PIEZO2: variants seen among roughly 807,000 people sequenced by gnomAD.
PIEZO2 encodes piezo-type mechanosensitive ion channel component 2.
Under a neutral mutation model 337.3 loss-of-function variants are expected in PIEZO2, and 172 were observed. The observed-to-expected ratio is 0.51, with a 90% CI of 0.45 to 0.58. The LOEUF (loss-of-function observed/expected upper bound fraction) is 0.58, where lower values mean the gene tolerates loss of function less well. Ranked by LOEUF, PIEZO2 falls within the 20% of genes least tolerant of loss-of-function variation. The pLI is 0.00. For missense variants in PIEZO2, 3,028 were observed against 3,391.3 expected (o/e 0.89, Z 2.66); for synonymous variants, 1,251 against 1,228.5 (o/e 1.02, Z -0.38).
At chr18:11,107,602 C>T (rs574875310) in intron 1 of PIEZO2, among the ~76,000 whole-genome samples, 5 of 152,092 alleles carry the variant, frequency 3.3e-5, no homozygotes, top group African/African-American at 7.2e-5. Flanking sequence ...TGAATGATGG[C>T]GTTAAAGAAC....
At chr18:10,793,258 C>CA (rs571365611) in intron 13 of PIEZO2, among the ~76,000 whole-genome samples, 26,086 of 144,502 alleles carry the variant, frequency 0.18, 2,609 homozygotes, top group East Asian at 0.39. Flanking sequence ...AACTCCGTCT[C>CA]AAAAAAAAAA....
Position 10,684,229 on chromosome 18 carries a change from G to A in PIEZO2, c.7498-1937C>T, listed in dbSNP as rs1238242141. Among the ~76,000 whole-genome samples the A allele has an allele frequency of 2.1e-4, 23 of 110,550 alleles. 1 individual carries two copies. The highest frequency in any genetic ancestry group is 3.1e-4 in the East Asian group (1 of 3,256). 72.5% of individuals were successfully genotyped at this position (110,550 alleles called of 152,430 possible). On this transcript the variant is annotated intron_variant, in intron 49 of 55. Coordinates refer to ENST00000674853, the MANE Select transcript of PIEZO2 (RefSeq NM_001378183.1). Reference sequence around the variant, plus strand: ...CGCCCAGGCTGGAGTGCAGTGGCGCGATCTTGGCTCACTGCAAGCTCCACC... The same window carrying A: ...CGCCCAGGCTGGAGTGCAGTGGCGCAATCTTGGCTCACTGCAAGCTCCACC...
chr18:10,839,317 C>T (rs538885584), intron 7 of PIEZO2, among the ~76,000 whole-genome samples: 1 of 152,196 alleles, frequency 6.6e-6, no homozygotes, highest in Non-Finnish European at 1.5e-5. Context: ...ACAGGACTCA[C>T]TTATTAATTT....
rs1351428022 is a variant in PIEZO2 at position 10,813,386 on chromosome 18, A to G, written c.918-6112T>C. Among the ~76,000 whole-genome samples, 1 of 152,210 alleles carries G rather than the reference A, an allele frequency of 6.6e-6. No individual in the cohort carries two copies. The highest frequency in any genetic ancestry group is 1.5e-5 in the Non-Finnish European group (1 of 68,044). Reference sequence around the variant, plus strand: ...ATCTTGCAAAACTAAAATTCTGTACACATTAAATAAAAACTCCCTATTCCC... The same window carrying G: ...ATCTTGCAAAACTAAAATTCTGTACGCATTAAATAAAAACTCCCTATTCCC... On this transcript the variant is annotated intron_variant, in intron 7 of 55. Transcript: ENST00000674853. This position sits in a 1 kb window ranked among gnomAD's most constrained non-coding sequence, Gnocchi z 4.2.
chr18:10,964,984 C>T (rs991249666), intron 3 of PIEZO2, among the ~76,000 whole-genome samples: 2 of 152,084 alleles, frequency 1.3e-5, no homozygotes, highest in African/African-American at 2.4e-5. Context: ...ACATATATAA[C>T]TTCATTCATC....
chr18:10,674,306 T>C (rs372321651), intron 54 of PIEZO2, among the ~76,000 whole-genome samples: 2 of 152,248 alleles, frequency 1.3e-5, no homozygotes, highest in African/African-American at 2.4e-5. Context: ...TTACTGATTG[T>C]TGAGCAATCT....
chr18:10,974,816 G>T (rs1308234834), intron 3 of PIEZO2, among the ~76,000 whole-genome samples: 1 of 152,204 alleles, frequency 6.6e-6, no homozygotes, highest in East Asian at 1.9e-4. Flanking sequence ...ATAGCCCTCC[G>T]TGGCAAGGTT....
chr18:11,059,601 G>A (rs2037862646), intron 2 of PIEZO2, among the ~76,000 whole-genome samples: 2 of 152,170 alleles, frequency 1.3e-5, no homozygotes, highest in Admixed American at 6.6e-5. Context: ...GGCAGGGGTT[G>A]CAATCCTAGT....
Position 10,803,360 on chromosome 18 carries a change from A to G in PIEZO2, c.1200+515T>C, listed in dbSNP as rs142860951. On this transcript the variant is annotated intron_variant, in intron 9 of 55. Coordinates refer to ENST00000674853, the MANE Select transcript of PIEZO2 (RefSeq NM_001378183.1). ...GTTTTTAAGCCCTCAGTAGATATGA[A>G]TTTTCAAAAATTCTAATTTTTACTC... 1.4e-4 allele frequency among the ~76,000 whole-genome samples: 21 copies of G among 152,328 alleles called. No individual in the cohort carries two copies. The East Asian group carries it at 3.7e-3, about 27-fold the overall frequency.
At chr18:10,671,946 T>C (rs914359803) in intron 55 of PIEZO2, among the ~76,000 whole-genome samples, 167 bp from the exon 56 acceptor site, 1 of 152,212 alleles carries the variant, frequency 6.6e-6, no homozygotes, top group African/African-American at 2.4e-5. Context: ...CTTTTTATTA[T>C]AGAATTATTA....
At chr18:10,946,074 T>A (rs2145281597) in intron 3 of PIEZO2, among the ~76,000 whole-genome samples, 1 of 152,224 alleles carries the variant, frequency 6.6e-6, no homozygotes, top group Middle Eastern at 3.4e-3. Flanking sequence ...GCAGAATATT[T>A]CCCAAATTTG....
rs529530097 is a variant in PIEZO2, at chr18:11,092,648, A to G, written c.65-26426T>C. 6.6e-6 allele frequency among the ~76,000 whole-genome samples: 1 copy of G among 152,350 alleles called. No homozygotes were observed. Among genetic ancestry groups the G allele is most frequent in the South Asian group, 2.1e-4 (1 of 4,826 alleles). Reference sequence around the variant, plus strand: ...AACCAAGAATAAATGTAATTGGACAAGGCAACCTGATCCAAACCTTGGATC... The same window carrying G: ...AACCAAGAATAAATGTAATTGGACAGGGCAACCTGATCCAAACCTTGGATC... On this transcript the variant is annotated intron_variant, in intron 1 of 55. Transcript: ENST00000674853. The surrounding 1 kb of genome is among the most constrained non-coding windows in gnomAD (Gnocchi z 4.5).
At chr18:10,741,451 C>T (rs1475899675) in intron 32 of PIEZO2, among the ~76,000 whole-genome samples, 1 of 152,142 alleles carries the variant, frequency 6.6e-6, no homozygotes, top group African/African-American at 2.4e-5. Flanking sequence ...TTTACAGAAT[C>T]ATTTACTGGC....
intron 4 of PIEZO2, among the ~76,000 whole-genome samples, chr18:10,891,659 T>C (rs1364769282): frequency 6.6e-6 from 1 of 152,150 alleles, no homozygotes; most frequent in Non-Finnish European, 1.5e-5. Context: ...GCTAAAATGT[T>C]TTCAGAGCAT....
intron 1 of PIEZO2, among the ~76,000 whole-genome samples, chr18:11,082,819 A>C (rs8084083): frequency 0.58 from 88,873 of 152,022 alleles, 27,686 homozygotes; most frequent in African/African-American, 0.82. Context: ...AAACTCCAAT[A>C]TTCTCGGTTT....
In PIEZO2 at chr18:10,750,822, T is replaced by C. The variant is rs1242898155; in HGVS notation, c.4168-635A>G. On this transcript the variant is annotated intron_variant, in intron 28 of 55. Transcript: ENST00000674853. The surrounding 1 kb of genome is among the most constrained non-coding windows in gnomAD (Gnocchi z 4.1). ...AAATGTGACAGATACATTGTGTGCA[T>C]TTCCTGGGAACATGTGAGGAAGGAG... is the stretch of plus-strand genomic sequence containing the variant. Among the ~76,000 whole-genome samples, 1 of 152,232 alleles carries C rather than the reference T, an allele frequency of 6.6e-6. No individual in the cohort carries two copies. Among genetic ancestry groups the C allele is most frequent in the Non-Finnish European group, 1.5e-5 (1 of 68,052 alleles).
chr18:10,886,782 C>T (rs1420427946), intron 4 of PIEZO2, among the ~76,000 whole-genome samples: 2 of 151,766 alleles, frequency 1.3e-5, no homozygotes, highest in African/African-American at 2.4e-5. Flanking sequence ...ACTGTACTTT[C>T]CCCAAATAAG....
At chr18:11,100,620 G>A (rs916419030) in intron 1 of PIEZO2, among the ~76,000 whole-genome samples, 1 of 151,936 alleles carries the variant, frequency 6.6e-6, no homozygotes, top group African/African-American at 2.4e-5. Flanking sequence ...TTTTGAGACG[G>A]AGTCTCACTC....
chr18:10,797,132 G>A (rs1410620575), intron 12 of PIEZO2, among the ~76,000 whole-genome samples: 1 of 148,390 alleles, frequency 6.7e-6, no homozygotes, highest in African/African-American at 2.5e-5. Context: ...TACCATCATA[G>A]CACACATACC....
Sources: gnomAD v4.1 joint callset for allele counts (sites outside exome capture counted in the v4.1 genomes callset) on GRCh38, gnomAD v4.1.1 for gene constraint, Gnocchi (gnomAD v3.1) non-coding constraint, MANE v1.5 for transcripts, NCBI Gene and HGNC (gene_info 2026-07-23, HGNC 2026-07-21) for gene names.